The following DNAJC15 variants were observed in gnomAD, a reference collection of about 807,000 sequenced individuals.
DNAJC15 encodes dnaJ homolog subfamily C member 15.
A neutral mutation model predicts 22.4 loss-of-function variants in DNAJC15; 27 were observed. The ratio of observed to expected loss-of-function variants is 1.20; its 90% confidence interval spans 0.89 to 1.66. The LOEUF (loss-of-function observed/expected upper bound fraction) is 1.66. Among genes scored for constraint, DNAJC15 ranks in the 40% most tolerant of loss-of-function variants. The pLI, the probability that DNAJC15 is intolerant of heterozygous loss-of-function variation, is 0.00. For synonymous variants in DNAJC15, 79 were observed against 63.2 expected (o/e 1.25, Z -1.19); for missense variants, 208 against 187.1 (o/e 1.11, Z -0.65).
chr13:43,083,687 ATTTT>A (rs1221296490), intron 4 of DNAJC15, among the ~76,000 whole-genome samples: 1 of 151,936 alleles, frequency 6.6e-6, no homozygotes, highest in Admixed American at 6.6e-5. Context: ...TTTCAGTGTA[ATTTT>A]TTTTGTTTCT....
At chr13:43,059,129 GTCCAGCTTCCTC>G (rs908678061) in intron 1 of DNAJC15, among the ~76,000 whole-genome samples, 2 of 152,046 alleles carry the variant, frequency 1.3e-5, no homozygotes, top group African/African-American at 4.8e-5. Context: ...CTGGAAGTTA[GTCCAGCTTCCTC>G]TCCACCGTTT....
chr13:43,054,342 G>A (rs2040519514), intron 1 of DNAJC15, among the ~76,000 whole-genome samples: 1 of 152,060 alleles, frequency 6.6e-6, no homozygotes, highest in South Asian at 2.1e-4. Context: ...TGTTCATCAG[G>A]GATTTTGGTC....
At chr13:43,080,461 G>C (rs2040656651) in intron 4 of DNAJC15, among the ~76,000 whole-genome samples, 1 of 152,172 alleles carries the variant, frequency 6.6e-6, no homozygotes, top group Admixed American at 6.5e-5. Context: ...GTCTACCACT[G>C]ATGGGCATTT....
intron 5 of DNAJC15, among the ~76,000 whole-genome samples, chr13:43,105,347 C>G (rs148286114): frequency 6.6e-6 from 1 of 152,204 alleles, no homozygotes; most frequent in African/African-American, 2.4e-5. Flanking sequence ...AAGAATGGCT[C>G]TAATTAATGG....
At chr13:43,096,136 A>AT (rs2040738554) in intron 5 of DNAJC15, among the ~76,000 whole-genome samples, 1 of 152,142 alleles carries the variant, frequency 6.6e-6, no homozygotes, top group Admixed American at 6.6e-5. Flanking sequence ...GGGGAAATAA[A>AT]TGTAATGTTT....
chr13:43,040,064 A>G (rs1205826481), intron 1 of DNAJC15, among the ~76,000 whole-genome samples: 1 of 152,174 alleles, frequency 6.6e-6, no homozygotes, highest in Non-Finnish European at 1.5e-5. Context: ...AGGACTAGTG[A>G]ATTAAATAGC....
intron 1 of DNAJC15, among the ~76,000 whole-genome samples, chr13:43,032,233 G>T (rs2040407319): frequency 6.6e-6 from 1 of 152,196 alleles, no homozygotes; most frequent in Non-Finnish European, 1.5e-5. Context: ...GGGACCAGCT[G>T]ACACAAGAGC....
chr13:43,084,147 A>G (rs1390906849), intron 4 of DNAJC15, among the ~76,000 whole-genome samples: 1 of 152,198 alleles, frequency 6.6e-6, no homozygotes, highest in Non-Finnish European at 1.5e-5. Context: ...TAGTAGGAGG[A>G]CAAGCAAACA....
chr13:43,040,625 A>G (rs566756184), intron 1 of DNAJC15, among the ~76,000 whole-genome samples: 2 of 152,244 alleles, frequency 1.3e-5, no homozygotes, highest in East Asian at 3.9e-4. Context: ...AGAGACACAG[A>G]GACAAAGTAT....
chr13:43,049,129 C>A (rs534184885), intron 1 of DNAJC15, among the ~76,000 whole-genome samples: 4 of 152,164 alleles, frequency 2.6e-5, no homozygotes, highest in Admixed American at 1.3e-4. Context: ...CCCAATTTTT[C>A]CTAAGTCAAA....
At chr13:43,076,555 A>G (rs2040634785) in intron 3 of DNAJC15, among the ~76,000 whole-genome samples, 1 of 152,188 alleles carries the variant, frequency 6.6e-6, no homozygotes, top group Non-Finnish European at 1.5e-5. Flanking sequence ...CTTTAAAGTT[A>G]TATGCTTTCA....
intron 1 of DNAJC15, among the ~76,000 whole-genome samples, chr13:43,047,163 T>A (rs1465218609): frequency 1.3e-5 from 2 of 152,206 alleles, no homozygotes; most frequent in Non-Finnish European, 2.9e-5. Context: ...GTAAAGTTTC[T>A]TAAGATCATT....
chr13:43,048,407 G>A (rs1042832212), intron 1 of DNAJC15, among the ~76,000 whole-genome samples: 12 of 152,196 alleles, frequency 7.9e-5, no homozygotes, highest in Admixed American at 1.3e-4. Flanking sequence ...CAGGAGAATC[G>A]TTTGAACCCG....
chr13:43,055,420 C>A (rs1482434333), intron 1 of DNAJC15, among the ~76,000 whole-genome samples: 3 of 152,130 alleles, frequency 2.0e-5, no homozygotes, highest in Non-Finnish European at 4.4e-5. Context: ...TCACTCGGGA[C>A]CCATCTCTTC....
intron 5 of DNAJC15, among the ~76,000 whole-genome samples, chr13:43,099,402 G>GAACCTCCATT (rs1358322567): frequency 1.3e-5 from 2 of 152,082 alleles, no homozygotes; most frequent in African/African-American, 2.4e-5. Context: ...AGACTGGCTT[G>GAACCTCCATT]AACCTCCATT....
chr13:43,069,724 AT>A (rs1349580170), intron 3 of DNAJC15, among the ~76,000 whole-genome samples: 2 of 152,174 alleles, frequency 1.3e-5, no homozygotes, highest in Non-Finnish European at 2.9e-5. Context: ...GAGACTTGAG[AT>A]TGTCAAATTG....
At position 43,086,765 on chromosome 13, in the gene DNAJC15, T is replaced by G. The variant is rs530693736; in HGVS notation, c.382+927T>G. 3.9e-4 allele frequency among the ~76,000 whole-genome samples: 59 copies of G among 152,276 alleles called. No individual in the cohort carries two copies. The South Asian group carries it at 0.012, about 30-fold the overall frequency. Reference sequence around the variant, plus strand: ...ACAGTTTCAACAGTTACTGAAAGATTCACTCAGCTAATTTACTTTGCATTG... The same window carrying G: ...ACAGTTTCAACAGTTACTGAAAGATGCACTCAGCTAATTTACTTTGCATTG... On this transcript the variant is annotated intron_variant, in intron 5 of 5. Coordinates refer to ENST00000379221, the MANE Select transcript of DNAJC15 (RefSeq NM_013238.3).
chr13:43,098,677 C>T (rs1404649537), intron 5 of DNAJC15, among the ~76,000 whole-genome samples: 1 of 152,152 alleles, frequency 6.6e-6, no homozygotes. Flanking sequence ...ACATTTTGAT[C>T]ACCTCAGGAA....
chr13:43,102,783 G>A (rs192958417), intron 5 of DNAJC15, among the ~76,000 whole-genome samples: 1 of 152,090 alleles, frequency 6.6e-6, no homozygotes, highest in Admixed American at 6.5e-5. Context: ...GTGCTCATGA[G>A]AGATCTGGGT....
Sources: allele counts gnomAD v4.1 joint callset (sites outside exome capture counted in the v4.1 genomes callset), GRCh38; gene constraint gnomAD v4.1.1; transcripts MANE v1.5; gene names NCBI Gene and HGNC (gene_info 2026-07-23, HGNC 2026-07-21).